Variants in CFAP206 observed in about 807,000 individuals in gnomAD.
CFAP206 encodes the protein cilia and flagella associated protein 206.
CFAP206 carries 53 observed loss-of-function variants against 65.4 expected under a neutral mutation model. The ratio of observed to expected loss-of-function variants is 0.81; its 90% CI spans 0.65 to 1.02. The LOEUF is 1.02. CFAP206 is among the 50% of genes least tolerant of loss of function. CFAP206 has a pLI of 0.00. For synonymous variants in CFAP206, 250 were observed against 254.4 expected (o/e 0.98, Z 0.17); for missense variants, 663 against 753.2 (o/e 0.88, Z 1.40).
chr6:87,410,066 G>A lies in CFAP206; in HGVS notation c.108+119G>A, dbSNP rs149694212. 7.2e-5 allele frequency: 49 copies of A among 680,580 alleles called. No individual in the cohort carries two copies. The East Asian group carries it at 8.0e-4, about 11-fold the overall frequency. The allele number at this position is 680,580 out of a possible 1,614,324, so 42.2% of individuals were successfully genotyped here. On this transcript the variant is annotated intron_variant, in intron 2 of 12. Coordinates refer to ENST00000369562, the MANE Select transcript of CFAP206 (RefSeq NM_001031743.3). Reference sequence around the variant, plus strand: ...AAATGTTTTTCAGTTGAAGCATAACGAGATAATTGGACAAATTTGTGAAAA... The same window carrying A: ...AAATGTTTTTCAGTTGAAGCATAACAAGATAATTGGACAAATTTGTGAAAA...
At chr6:87,430,853 G>C (rs1768143862) in intron 9 of CFAP206, among the ~76,000 whole-genome samples, 180 bp from the exon 10 acceptor site, 1 of 152,182 alleles carries the variant, frequency 6.6e-6, no homozygotes, top group South Asian at 2.1e-4. Flanking sequence ...GAGGTCATTT[G>C]TACTTCTTTG....
intron 9 of CFAP206, 99 bp from the exon 10 acceptor site, chr6:87,430,934 C>T: frequency 8.9e-7 from 1 of 1,126,014 alleles, no homozygotes; most frequent in Non-Finnish European, 1.3e-6. Context: ...AAGTACAAAG[C>T]AATAAAAAGG....
chr6:87,443,346 T>C (rs1468946663), intron 11 of CFAP206, among the ~76,000 whole-genome samples: 1 of 152,136 alleles, frequency 6.6e-6, no homozygotes, highest in Non-Finnish European at 1.5e-5. Flanking sequence ...TTCTCTCTTT[T>C]TATTTTGATT....
chr6:87,434,724 C>G (rs896765454), intron 10 of CFAP206, 136 bp from the exon 11 acceptor site: 2 of 497,336 alleles, frequency 4.0e-6, no homozygotes, highest in African/African-American at 3.9e-5. Context: ...TCTTGAACTC[C>G]TGACCTCAGG....
intron 11 of CFAP206, chr6:87,441,925 T>A (rs973906691): frequency 3.4e-5 from 10 of 291,300 alleles, no homozygotes; most frequent in African/African-American, 2.3e-4. Flanking sequence ...CCAAATAAAA[T>A]GTCTCTTGGA....
intron 11 of CFAP206, among the ~76,000 whole-genome samples, chr6:87,445,780 A>G (rs1268640315): frequency 6.6e-6 from 1 of 152,204 alleles, no homozygotes; most frequent in Non-Finnish European, 1.5e-5. Context: ...AGGAATCACC[A>G]TACTATCTTC....
intron 11 of CFAP206, among the ~76,000 whole-genome samples, chr6:87,456,517 C>T (rs756785127): frequency 1.5e-4 from 23 of 152,026 alleles, no homozygotes; most frequent in Admixed American, 1.3e-3. Context: ...GAATTCCTAG[C>T]TAGAGCAATC....
chr6:87,418,291 C>G lies in CFAP206; in HGVS notation c.715C>G (p.Arg239Gly), dbSNP rs149134342. 24 of 1,613,926 alleles carry G rather than the reference C, an allele frequency of 1.5e-5. No individual in the cohort carries two copies. The highest frequency in any genetic ancestry group is 1.8e-5 in the Non-Finnish European group (21 of 1,180,010). Residue 239 changes from arginine (R) to glycine (G), a missense_variant, in exon 7 of 13, where the codon CGC becomes GGC. Arg to Gly is a moderately radical substitution (Grantham distance 125). Coordinates refer to ENST00000369562, the MANE Select transcript of CFAP206 (RefSeq NM_001031743.3). Reference protein sequence around the residue: ...QLETARSQVYRYTAILEKAAN... With the variant: ...QLETARSQVYGYTAILEKAAN... ...TGAGACTGCCCGGAGCCAGGTATAC[C>G]GCTACACAGCCATCCTTGAGAAGGC...
chr6:87,437,841 T>TC, intron 11 of CFAP206, among the ~76,000 whole-genome samples: 1 of 148,896 alleles, frequency 6.7e-6, no homozygotes, highest in East Asian at 2.0e-4. Flanking sequence ...TTTTTTTTTT[T>TC]TTTTTTTTTT....
chr6:87,432,070 C>T (rs1768168799), intron 10 of CFAP206, among the ~76,000 whole-genome samples: 1 of 152,112 alleles, frequency 6.6e-6, no homozygotes, highest in Non-Finnish European at 1.5e-5. Flanking sequence ...AAGAAAAAGC[C>T]TGCCAGGGCT....
At chr6:87,460,312 G>C (rs1050382490) in intron 11 of CFAP206, among the ~76,000 whole-genome samples, 28 of 152,160 alleles carry the variant, frequency 1.8e-4, no homozygotes, top group African/African-American at 6.5e-4. Flanking sequence ...AAAAACCTTG[G>C]ATAATAACCT....
intron 7 of CFAP206, among the ~76,000 whole-genome samples, chr6:87,421,682 A>T (rs1167144775): frequency 1.3e-5 from 2 of 152,186 alleles, no homozygotes; most frequent in Non-Finnish European, 2.9e-5. Context: ...CAAGGCAGAC[A>T]CCAAAGAGGG....
intron 11 of CFAP206, among the ~76,000 whole-genome samples, chr6:87,442,488 TTTATC>T (rs1373606373): frequency 6.6e-6 from 1 of 152,106 alleles, no homozygotes; most frequent in Non-Finnish European, 1.5e-5. Flanking sequence ...ACTCTTTACT[TTTATC>T]TTACTACATT....
chr6:87,463,641 C>T (rs1768778534), intron 12 of CFAP206, among the ~76,000 whole-genome samples: 2 of 151,972 alleles, frequency 1.3e-5, no homozygotes, highest in African/African-American at 2.4e-5. Flanking sequence ...AAAGATAATA[C>T]TGTATAAATC....
At chr6:87,457,575 GTC>G (rs1465788052) in intron 11 of CFAP206, among the ~76,000 whole-genome samples, 1 of 152,194 alleles carries the variant, frequency 6.6e-6, no homozygotes, top group South Asian at 2.1e-4. Flanking sequence ...GGAAAGGACA[GTC>G]TCTTCAATAA....
chr6:87,444,172 T>A lies in CFAP206; in HGVS notation c.1494+9119T>A, dbSNP rs1582146693. Among the ~76,000 whole-genome samples the A allele has an allele frequency of 2.0e-5, 3 of 152,324 alleles. No homozygotes were observed. The South Asian group carries it at 6.2e-4, about 32-fold the overall frequency. ...TAAGGTTTAAAAAGTGTTTAAAGTT[T>A]GTAATTCCTAGTAGGAAAACATTAT... is the stretch of plus-strand genomic sequence containing the variant. On this transcript the variant is annotated intron_variant, in intron 11 of 12. Transcript: ENST00000369562.
At chr6:87,447,951 T>TTTA (rs71018018) in intron 11 of CFAP206, among the ~76,000 whole-genome samples, 5 of 146,866 alleles carry the variant, frequency 3.4e-5, no homozygotes, top group African/African-American at 7.5e-5. Flanking sequence ...CTAGATTTTC[T>TTTA]TTATTATTAT....
rs757548543 is a variant in CFAP206, at chr6:87,435,108, A to G, written c.1494+55A>G. ...TGACATTTAAAAATATAGTTAATTT[A>G]AAAGTTGTATTTTGTTGTAGAATGC... On this transcript the variant is annotated intron_variant, in intron 11 of 12. Transcript: ENST00000369562. 6.7e-6 allele frequency: 9 copies of G among 1,339,530 alleles called. No individual in the cohort carries two copies. In the East Asian group the frequency reaches 1.9e-4, roughly 28 times the overall value. 83.0% of individuals were successfully genotyped at this position (1,339,530 alleles called of 1,614,324 possible).
In CFAP206 at chr6:87,431,239, T is replaced by G. The variant is rs954329907; in HGVS notation, c.1300+66T>G. 6 of 1,437,396 alleles carry G rather than the reference T, an allele frequency of 4.2e-6. No homozygotes were observed. The African/African-American group carries it at 7.1e-5, about 17-fold the overall frequency. The allele number at this position is 1,437,396 out of a possible 1,614,324, so 89.0% of individuals were successfully genotyped here. On this transcript the variant is annotated intron_variant, in intron 10 of 12. Transcript: ENST00000369562. ...TTTTCTTTATATGGAGTTCTGTCAT[T>G]GTCACTTGAATATTCACTTTAAAAA...
Sources: gnomAD v4.1 joint callset for allele counts (sites outside exome capture counted in the v4.1 genomes callset) on GRCh38, gnomAD v4.1.1 for gene constraint, MANE v1.5 for transcripts, NCBI Gene and HGNC (gene_info 2026-07-23, HGNC 2026-07-21) for gene names.